Variants in FLVCR2 observed in about 807,000 individuals in gnomAD.
The protein encoded by FLVCR2 is FLVCR choline and putative heme transporter 2.
A neutral mutation model predicts 48.9 loss-of-function variants in FLVCR2; 38 were observed. The observed-to-expected ratio is 0.78, with a 90% CI of 0.60 to 1.02. The LOEUF (loss-of-function observed/expected upper bound fraction) is 1.02, where lower values mean the gene tolerates loss of function less well. Ranked by LOEUF, FLVCR2 falls within the 50% of genes least tolerant of loss-of-function variation. FLVCR2 has a pLI of 0.00. For missense variants in FLVCR2, 664 were observed against 663.3 expected, an observed-to-expected ratio of 1.00 and a Z score of -0.01; for synonymous variants, 255 against 257.0, an observed-to-expected ratio of 0.99 and a Z score of 0.07.
At chr14:75,614,254 A>G (rs1889549253) in intron 1 of FLVCR2, among the ~76,000 whole-genome samples, 1 of 152,218 alleles carries the variant, frequency 6.6e-6, no homozygotes, top group South Asian at 2.1e-4. Flanking sequence ...CCTTGTCTAG[A>G]CTTAAATTTC....
chr14:75,625,794 G>A (rs1046025161), intron 3 of FLVCR2, among the ~76,000 whole-genome samples: 1 of 151,926 alleles, frequency 6.6e-6, no homozygotes, highest in South Asian at 2.1e-4. Context: ...CTTACTATGT[G>A]TCAGGTGCTT....
At chr14:75,642,877 T>TA (rs1890334701) in intron 9 of FLVCR2, among the ~76,000 whole-genome samples, 2 of 152,234 alleles carry the variant, frequency 1.3e-5, no homozygotes, top group African/African-American at 2.4e-5. Flanking sequence ...ACTTTTTTTT[T>TA]ATGAGACACA....
At chr14:75,618,892 T>G (rs1889684673) in intron 1 of FLVCR2, among the ~76,000 whole-genome samples, 1 of 151,896 alleles carries the variant, frequency 6.6e-6, no homozygotes, top group Admixed American at 6.6e-5. Flanking sequence ...AGGGTTTTTT[T>G]TTTTTTTTTG....
At chr14:75,614,003 T>C (rs1171953888) in intron 1 of FLVCR2, among the ~76,000 whole-genome samples, 2 of 152,236 alleles carry the variant, frequency 1.3e-5, no homozygotes, top group Admixed American at 1.3e-4. Context: ...CATAAAATCA[T>C]TGGTAGTGTG....
In FLVCR2 at chr14:75,587,369, C is replaced by T. The variant is rs184713365; in HGVS notation, c.669+7728C>T. ...ATTCTGAGGATTTAATTTTTCCCCCCGTCTCCAGGGTTATTGGTGATAGTT... is the reference window on the plus strand; with the variant it reads ...ATTCTGAGGATTTAATTTTTCCCCCTGTCTCCAGGGTTATTGGTGATAGTT... On this transcript the variant is annotated intron_variant, in intron 1 of 9. Transcript: ENST00000238667. Among the ~76,000 whole-genome samples the T allele has an allele frequency of 2.2e-3, 330 of 152,140 alleles. 1 individual carries two copies. The highest frequency in any genetic ancestry group is 0.01 in the Middle Eastern group (3 of 292).
chr14:75,581,408 G>T (rs1003664067), intron 1 of FLVCR2, among the ~76,000 whole-genome samples: 1 of 152,098 alleles, frequency 6.6e-6, no homozygotes, highest in African/African-American at 2.4e-5. Context: ...AGCTTGGTGA[G>T]GTGTGTTTTT....
In FLVCR2 at chr14:75,578,995, A is replaced by G; in HGVS notation, c.23A>G (p.Gln8Arg). Residue 8 changes from glutamine to arginine, a missense_variant, in exon 1 of 10, where the codon CAG (glutamine) becomes CGG (arginine). Transcript: ENST00000238667. ...GCGATGGTGAATGAAGGTCCCAACC[A>G]GGAAGAGAGCGATGACACCCCTGTG... The part of the protein sequence containing the change: MVNEGPN[Q>R]EESDDTPVPE... 6.2e-7 allele frequency: 1 copy of G among 1,614,150 alleles called. No individual in the cohort carries two copies. The highest frequency in any genetic ancestry group is 8.5e-7 in the Non-Finnish European group (1 of 1,180,000).
intron 2 of FLVCR2, 90 bp from the exon 3 acceptor site, chr14:75,624,522 G>C (rs1889848038): frequency 1.5e-5 from 22 of 1,451,574 alleles, no homozygotes; most frequent in Non-Finnish European, 2.1e-5. Flanking sequence ...GCTCCTCTCA[G>C]ATGATGGAGC....
intron 1 of FLVCR2, among the ~76,000 whole-genome samples, chr14:75,593,642 T>C (rs868055650): frequency 9.9e-5 from 15 of 152,174 alleles, no homozygotes; most frequent in Middle Eastern, 6.8e-3. Flanking sequence ...CACCACCCCA[T>C]TGGGGATAAA....
At chr14:75,596,077 G>C in intron 1 of FLVCR2, 1 of 1,168,960 alleles carries the variant, frequency 8.6e-7, no homozygotes, top group South Asian at 1.2e-5. Flanking sequence ...ATTTTGGCTA[G>C]TTTTTCCCAA....
chr14:75,633,648 T>C lies in FLVCR2; in HGVS notation c.972T>C (p.Phe324=). ...CTTCAGGTCTGAATGCTGGTGCTTT[T>C]TATGCCTTGTCCACTCTTCTGAATC... ...VITYGLNAGA[F]YALSTLLNRM... is the part of the protein sequence containing the mutation. Residue 324 remains phenylalanine, a synonymous_variant, in exon 4 of 10, where the codon TTT becomes TTC. Coordinates refer to ENST00000238667, the MANE Select transcript of FLVCR2 (RefSeq NM_017791.3). 6.2e-7 allele frequency: 1 copy of C among 1,614,158 alleles called. No homozygotes were observed. Among genetic ancestry groups the C allele is most frequent in the East Asian group, 2.2e-5 (1 of 44,894 alleles).
chr14:75,634,487 A>G (rs933311977), intron 4 of FLVCR2, among the ~76,000 whole-genome samples: 2 of 152,226 alleles, frequency 1.3e-5, no homozygotes, highest in African/African-American at 4.8e-5. Context: ...TCAAAAATAT[A>G]TAACTATTAT....
intron 1 of FLVCR2, among the ~76,000 whole-genome samples, chr14:75,596,680 C>A (rs1221498095): frequency 6.6e-6 from 1 of 151,754 alleles, no homozygotes; most frequent in Non-Finnish European, 1.5e-5. Flanking sequence ...ACATTAAATG[C>A]ATTTGCAATG....
chr14:75,584,000 C>T lies in FLVCR2; in HGVS notation c.669+4359C>T, dbSNP rs575739333. ...TTGGCCAAGGAACATTGGGTTTGGGCTCCAGGGGCTTTAGGAGTGGCCGCG... is the reference window on the plus strand; with the variant it reads ...TTGGCCAAGGAACATTGGGTTTGGGTTCCAGGGGCTTTAGGAGTGGCCGCG... On this transcript the variant is annotated intron_variant, in intron 1 of 9. Transcript: ENST00000238667. Among the ~76,000 whole-genome samples, 145 of 152,308 alleles carry T rather than the reference C, an allele frequency of 9.5e-4. 1 individual carries two copies. The highest frequency in any genetic ancestry group is 3.3e-3 in the African/African-American group (139 of 41,576).
At chr14:75,640,557 G>A (rs1474581360) in intron 6 of FLVCR2, among the ~76,000 whole-genome samples, 1 of 152,156 alleles carries the variant, frequency 6.6e-6, no homozygotes, top group Non-Finnish European at 1.5e-5. Context: ...GTCCCAGAGA[G>A]CCACGGAGAT....
intron 1 of FLVCR2, among the ~76,000 whole-genome samples, chr14:75,620,208 G>GA (rs1472924891): frequency 6.6e-6 from 1 of 152,126 alleles, no homozygotes; most frequent in Non-Finnish European, 1.5e-5. Flanking sequence ...TTAAAGTCTT[G>GA]AAGATGAGCA....
intron 1 of FLVCR2, among the ~76,000 whole-genome samples, chr14:75,610,934 G>A (rs1302758130): frequency 6.6e-6 from 1 of 152,220 alleles, no homozygotes; most frequent in Admixed American, 6.5e-5. Flanking sequence ...AGCCTGGAAA[G>A]ACTTGAGTGA....
intron 1 of FLVCR2, among the ~76,000 whole-genome samples, chr14:75,593,838 G>A (rs2110566): frequency 0.45 from 67,709 of 152,050 alleles, 19,476 homozygotes; most frequent in African/African-American, 0.8. Flanking sequence ...TCTTGGCCAC[G>A]CCCTTGGTTT....
intron 1 of FLVCR2, among the ~76,000 whole-genome samples, chr14:75,597,310 A>C (rs184954667): frequency 2.8e-5 from 4 of 144,690 alleles, no homozygotes; most frequent in South Asian, 2.2e-4. Flanking sequence ...GAAGAAGAAG[A>C]AGCCAGTTTG....
Sources: allele counts gnomAD v4.1 joint callset (sites outside exome capture counted in the v4.1 genomes callset), GRCh38; gene constraint gnomAD v4.1.1; transcripts MANE v1.5; gene names NCBI Gene and HGNC (gene_info 2026-07-23, HGNC 2026-07-21).